The following TOPAZ1 variants were observed in gnomAD, a reference collection of about 807,000 sequenced individuals.
TOPAZ1 encodes the protein testis and ovary specific TOPAZ 1, also known as protein TOPAZ1.
In TOPAZ1, 66 loss-of-function variants were observed where a neutral mutation model predicts 172.2. The observed-to-expected ratio is 0.38, with a 90% CI of 0.31 to 0.47. TOPAZ1 has a LOEUF of 0.47. Among genes scored for constraint, TOPAZ1 ranks in the 20% least tolerant of loss-of-function variants. TOPAZ1 has a pLI of 0.99. For synonymous variants in TOPAZ1, 681 were observed against 683.9 expected, an observed-to-expected ratio of 1.00 and a Z score of 0.07; for missense variants, 1,822 against 1,972.4, an observed-to-expected ratio of 0.92 and a Z score of 1.44.
downstream of TOPAZ1, among the ~76,000 whole-genome samples, chr3:44,335,211 C>A (rs534313829): frequency 7.9e-5 from 12 of 152,230 alleles, no homozygotes; most frequent in Non-Finnish European, 1.6e-4. Context: ...AGCAGTGCCA[C>A]AAAACCATAA....
At chr3:44,298,882 G>A (rs1420432149) in intron 12 of TOPAZ1, among the ~76,000 whole-genome samples, 252 of 41,386 alleles carry the variant, frequency 6.1e-3, no homozygotes, top group African/African-American at 0.022. Flanking sequence ...TATATTTTAT[G>A]TATATATATT....
intron 9 of TOPAZ1, among the ~76,000 whole-genome samples, chr3:44,285,340 C>A (rs1350368829): frequency 6.6e-6 from 1 of 151,908 alleles, no homozygotes; most frequent in Non-Finnish European, 1.5e-5. Flanking sequence ...GTGGAGCACA[C>A]CTATAGTCCC....
Position 44,243,623 on chromosome 3 carries a change from G to A in TOPAZ1, c.1117G>A (p.Glu373Lys). The A allele has an allele frequency of 1.3e-6, 2 of 1,550,140 alleles. No homozygotes were observed. The highest frequency in any genetic ancestry group is 1.7e-6 in the Non-Finnish European group (2 of 1,146,932). The part of the protein sequence containing the change: ...NQMIADGKEA[E>K]TKSPLNVLRK... The stretch of plus-strand genomic sequence containing the variant: ...AATGATTGCTGATGGTAAAGAAGCA[G>A]AGACTAAAAGTCCTTTAAATGTTTT... The change falls in exon 2 of 20, where the codon GAG (glutamate) becomes AAG (lysine). Residue 373 changes from glutamate to lysine, a missense_variant. Glu to Lys is a moderately conservative substitution (Grantham distance 56). This residue lies in a region of TOPAZ1 where 1,489 missense variants were observed against 1,490.8 expected (regional missense o/e 1.00). Coordinates refer to ENST00000309765, the MANE Select transcript of TOPAZ1 (RefSeq NM_001145030.2).
chr3:44,278,979 C>T (rs142064817), intron 8 of TOPAZ1, among the ~76,000 whole-genome samples: 5 of 152,130 alleles, frequency 3.3e-5, no homozygotes, highest in Admixed American at 3.3e-4. Context: ...ATGCTATAAA[C>T]TTCCCTTTTA....
chr3:44,244,234 T>G lies in TOPAZ1; in HGVS notation c.1728T>G (p.Ser576=). Residue 576 remains serine, a synonymous_variant, in exon 2 of 20, where the codon TCT becomes TCG. Transcript: ENST00000309765. ...DSNSNCLSSV[S]AVEPTLMVIK... ...ATTCTAATTGTTTGTCTTCAGTTTCTGCAGTAGAACCTACTTTAATGGTTA... is the reference window on the plus strand; with the variant it reads ...ATTCTAATTGTTTGTCTTCAGTTTCGGCAGTAGAACCTACTTTAATGGTTA... 1 of 1,549,490 alleles carries G rather than the reference T, an allele frequency of 6.5e-7. No homozygotes were observed.
At chr3:44,260,861 A>G (rs1351262840) in intron 4 of TOPAZ1, among the ~76,000 whole-genome samples, 1 of 152,150 alleles carries the variant, frequency 6.6e-6, no homozygotes, top group African/African-American at 2.4e-5. Flanking sequence ...TTAGGAGCAC[A>G]CTTATTTTCC....
intron 8 of TOPAZ1, among the ~76,000 whole-genome samples, chr3:44,273,275 G>A (rs1243598371): frequency 6.6e-6 from 1 of 152,160 alleles, no homozygotes; most frequent in Non-Finnish European, 1.5e-5. Flanking sequence ...TCAAAACAAA[G>A]TTAGCAGGGA....
intron 12 of TOPAZ1, among the ~76,000 whole-genome samples, chr3:44,293,698 T>C (rs977080797): frequency 3.3e-5 from 5 of 152,208 alleles, no homozygotes; most frequent in African/African-American, 1.2e-4. Context: ...AAAATTAATA[T>C]TGAAGAAAGA....
At chr3:44,268,478 A>C (rs1040172373) in intron 6 of TOPAZ1, among the ~76,000 whole-genome samples, 5 of 141,888 alleles carry the variant, frequency 3.5e-5, no homozygotes, top group Non-Finnish European at 7.5e-5. Context: ...GGTTCAAGTG[A>C]TTCTCCTGCC....
At position 44,245,242 on chromosome 3, in the gene TOPAZ1, A is replaced by G; in HGVS notation, c.2736A>G (p.Pro912=). 6.5e-7 allele frequency: 1 copy of G among 1,540,426 alleles called. No individual in the cohort carries two copies. The highest frequency in any genetic ancestry group is 1.2e-5 in the South Asian group (1 of 81,448). ...CAGACTCCAAGTACATGGAAACTCC[A>G]GTAAAAAAAGAACCAAGTGATGACT... The part of the protein sequence containing the change: ...QSTDSKYMET[P]VKKEPSDDLR... Residue 912 remains proline (P), a synonymous_variant, in exon 2 of 20, where the codon CCA becomes CCG. Coordinates refer to ENST00000309765, the MANE Select transcript of TOPAZ1 (RefSeq NM_001145030.2).
At chr3:44,313,570 T>A (rs1432574341) in intron 16 of TOPAZ1, among the ~76,000 whole-genome samples, 1 of 141,804 alleles carries the variant, frequency 7.1e-6, no homozygotes, top group African/African-American at 2.7e-5. Context: ...TGAGCCAAGA[T>A]CACGCCACTG....
At chr3:44,269,185 G>A (rs775479729) in intron 6 of TOPAZ1, 31 bp from the exon 7 acceptor site, 98 of 1,137,756 alleles carry the variant, frequency 8.6e-5, no homozygotes, top group Non-Finnish European at 1.2e-4. Flanking sequence ...GTAACATATT[G>A]GTGTGTAATG....
intron 17 of TOPAZ1, among the ~76,000 whole-genome samples, chr3:44,321,781 G>T (rs144541005): frequency 6.6e-6 from 1 of 152,108 alleles, no homozygotes; most frequent in African/African-American, 2.4e-5. Flanking sequence ...TAATTCCACT[G>T]TGCTCCTGTA....
In TOPAZ1 at chr3:44,244,799, A is replaced by G. The variant is rs1162019361; in HGVS notation, c.2293A>G (p.Lys765Glu). 4.5e-6 allele frequency: 7 copies of G among 1,551,636 alleles called. No homozygotes were observed. Among genetic ancestry groups the G allele is most frequent in the African/African-American group, 1.4e-5 (1 of 73,170 alleles). ...TAGTTCTGACTCATTCTACAATAAG[A>G]AATCCTATAGTATTTCTCCAAGCTT... ...QASSDSFYNK[K>E]SYSISPSFTK... Residue 765 changes from lysine to glutamate, a missense_variant, in exon 2 of 20, where the codon AAA (lysine) becomes GAA (glutamate). By Grantham distance (56) the Lys-to-Glu change is moderately conservative. This residue lies in a region of TOPAZ1 where 1,489 missense variants were observed against 1,490.8 expected (regional missense o/e 1.00). Transcript: ENST00000309765.
rs949705695 is a variant in TOPAZ1 at position 44,242,214 on chromosome 3, C to G, written c.161C>G (p.Ala54Gly). Reference protein sequence around the residue: ...RENKQKRRMVARATPGRGEVE... With the variant: ...RENKQKRRMVGRATPGRGEVE... ...AATAAGCAAAAGAGGAGAATGGTGG[C>G]CCGGGCCACCCCTGGGAGAGGCGAG... Residue 54 changes from alanine (A) to glycine (G), a missense_variant, in exon 1 of 20, where the codon GCC (alanine) becomes GGC (glycine). By Grantham distance (60) the Ala-to-Gly change is moderately conservative. Around this residue, in one of 2 missense-constraint regions of TOPAZ1, gnomAD observed 1,489 missense variants for 1,490.8 expected, o/e 1.00. Coordinates refer to ENST00000309765, the MANE Select transcript of TOPAZ1 (RefSeq NM_001145030.2). 5 of 1,544,388 alleles carry G rather than the reference C, an allele frequency of 3.2e-6. No individual in the cohort carries two copies. In the Admixed American group the frequency reaches 1.0e-4, roughly 32 times the overall value.
intron 2 of TOPAZ1, among the ~76,000 whole-genome samples, chr3:44,253,138 A>G (rs1176085902): frequency 6.6e-6 from 1 of 152,152 alleles, no homozygotes; most frequent in African/African-American, 2.4e-5. Context: ...ATGACCATAG[A>G]ATTTACCTTC....
intron 4 of TOPAZ1, among the ~76,000 whole-genome samples, chr3:44,258,977 C>T (rs971425760): frequency 4.6e-5 from 7 of 152,280 alleles, no homozygotes; most frequent in Admixed American, 3.3e-4. Context: ...TTGGAATCCA[C>T]GTTACATACA....
chr3:44,323,383 T>C (rs1700562716), intron 18 of TOPAZ1, 88 bp downstream of exon 18: 6 of 815,340 alleles, frequency 7.4e-6, no homozygotes, highest in Middle Eastern at 3.8e-4. Context: ...TAGATATTTA[T>C]ATGTATTAAA....
At position 44,269,235 on chromosome 3, in the gene TOPAZ1, A is replaced by G; in HGVS notation, c.3180A>G (p.Lys1060=). 7 of 1,548,302 alleles carry G rather than the reference A, an allele frequency of 4.5e-6. No individual in the cohort carries two copies. The highest frequency in any genetic ancestry group is 6.1e-6 in the Non-Finnish European group (7 of 1,144,054). The change falls in exon 7 of 20, where the codon AAA becomes AAG. Residue 1060 remains lysine, a synonymous_variant. Coordinates refer to ENST00000309765, the MANE Select transcript of TOPAZ1 (RefSeq NM_001145030.2). Reference sequence around the variant, plus strand: ...TTCTAGATTTCAGATTTCTGGGAAAACATTCTGTCCTAAAGCTGCAGAATC... The same window carrying G: ...TTCTAGATTTCAGATTTCTGGGAAAGCATTCTGTCCTAAAGCTGCAGAATC... The part of the protein sequence containing the change: ...TWMNDFRFLG[K]HSVLKLQNPE...
Sources: allele counts gnomAD v4.1 joint callset (sites outside exome capture counted in the v4.1 genomes callset), GRCh38; gene constraint gnomAD v4.1.1; regional missense constraint gnomAD v4.1.1; transcripts MANE v1.5; gene names NCBI Gene and HGNC (gene_info 2026-07-23, HGNC 2026-07-21).